Variants in MIA2 observed in about 807,000 individuals in gnomAD.
The protein encoded by MIA2 is MIA SH3 domain ER export factor 2, also known as melanoma inhibitory activity protein 2.
A neutral mutation model predicts 167.8 loss-of-function variants in MIA2; 127 were observed. The ratio of observed to expected loss-of-function variants is 0.76; its 90% CI spans 0.66 to 0.88. The LOEUF (loss-of-function observed/expected upper bound fraction) is 0.88. Ranked by LOEUF, MIA2 falls within the 40% of genes least tolerant of loss-of-function variation. The pLI is 0.00. For synonymous variants in MIA2, 552 were observed against 541.9 expected, an observed-to-expected ratio of 1.02 and a Z score of -0.26; for missense variants, 1,690 against 1,624.7, an observed-to-expected ratio of 1.04 and a Z score of -0.69.
intron 6 of MIA2, among the ~76,000 whole-genome samples, chr14:39,260,638 T>G (rs2055056941): frequency 6.6e-6 from 1 of 152,204 alleles, no homozygotes; most frequent in Non-Finnish European, 1.5e-5. Context: ...TTGCAAAAAT[T>G]TTCTCCCATT....
At chr14:39,334,291 A>G (rs1226235739) in intron 25 of MIA2, among the ~76,000 whole-genome samples, 2 of 152,090 alleles carry the variant, frequency 1.3e-5, no homozygotes, top group Admixed American at 6.5e-5. Flanking sequence ...CCTGGCTAAC[A>G]TGGCAAAACC....
chr14:39,362,150 T>A (rs899974934), intron 23 of MIA2, among the ~76,000 whole-genome samples: 6 of 152,150 alleles, frequency 3.9e-5, no homozygotes, highest in Admixed American at 1.3e-4. Context: ...TATAGTTTTG[T>A]TTTTTTGTTG....
At chr14:39,362,808 T>G (rs2074716110) in intron 23 of MIA2, among the ~76,000 whole-genome samples, 1 of 152,202 alleles carries the variant, frequency 6.6e-6, no homozygotes, top group Non-Finnish European at 1.5e-5. Context: ...TATATAGATG[T>G]CTGTTGCTAT....
intron 6 of MIA2, chr14:39,265,422 G>A: frequency 3.1e-6 from 5 of 1,610,436 alleles, no homozygotes; most frequent in Non-Finnish European, 4.2e-6. Context: ...AGAGGAAGAG[G>A]TGAGTTTATA....
intron 6 of MIA2, among the ~76,000 whole-genome samples, chr14:39,272,547 C>T (rs892032153): frequency 6.6e-6 from 1 of 152,170 alleles, no homozygotes; most frequent in Non-Finnish European, 1.5e-5. Flanking sequence ...GGGACCCGCC[C>T]CTATCTGCCT....
chr14:39,298,103 G>C (rs1357546165), intron 13 of MIA2, among the ~76,000 whole-genome samples: 1 of 151,830 alleles, frequency 6.6e-6, no homozygotes, highest in African/African-American at 2.4e-5. Context: ...AGTAGAAAGT[G>C]GTGGTAAACC....
intron 13 of MIA2, among the ~76,000 whole-genome samples, chr14:39,298,443 A>ATATATATATATATATATATATATAT (rs1372100362): frequency 0.02 from 998 of 49,724 alleles, 116 homozygotes; most frequent in South Asian, 0.026. Context: ...ATATATATAT[A>ATATATATATATATATATATATATAT]AAGATTAGTT....
At chr14:39,281,281 T>G (rs1423140733) in intron 9 of MIA2, among the ~76,000 whole-genome samples, 1 of 151,790 alleles carries the variant, frequency 6.6e-6, no homozygotes, top group African/African-American at 2.4e-5. Context: ...GTTTTTGCCC[T>G]TTTTTGTTCT....
intron 27 of MIA2, among the ~76,000 whole-genome samples, chr14:39,348,045 T>A (rs1200565818): frequency 6.6e-6 from 1 of 151,884 alleles, no homozygotes; most frequent in Non-Finnish European, 1.5e-5. Flanking sequence ...AGTCCTGACC[T>A]CAGATGATCC....
In MIA2 at chr14:39,319,261, C is replaced by G; in HGVS notation, c.3337C>G (p.Leu1113Val). ...ACTTTTAGAAAAAGATCCTTATGCA[C>G]TCGATGTTCCAAATACAGCATTTGG... ...FELLEKDPYA[L>V]DVPNTAFGRE... Residue 1113 changes from leucine (L) to valine (V), a missense_variant, in exon 23 of 29, where the codon CTC becomes GTC. Coordinates refer to ENST00000640607, the MANE Select transcript of MIA2 (RefSeq NM_001329214.4). The G allele has an allele frequency of 1.3e-6, 2 of 1,561,426 alleles. No homozygotes were observed. The highest frequency in any genetic ancestry group is 1.7e-6 in the Non-Finnish European group (2 of 1,152,474).
intron 23 of MIA2, among the ~76,000 whole-genome samples, chr14:39,365,650 CCTAT>C (rs3065047): frequency 0.3 from 44,958 of 147,540 alleles, 7,289 homozygotes; most frequent in South Asian, 0.39. Flanking sequence ...TTTAAAAATA[CCTAT>C]CTATCTATCT....
At chr14:39,250,714 A>G (rs1444672880) in intron 4 of MIA2, among the ~76,000 whole-genome samples, 3 of 34,696 alleles carry the variant, frequency 8.6e-5, no homozygotes, top group Admixed American at 7.7e-4. Context: ...ATATGCATAT[A>G]TATATATATA....
intron 6 of MIA2, among the ~76,000 whole-genome samples, chr14:39,259,861 C>T (rs1456019431): frequency 6.6e-6 from 1 of 151,932 alleles, no homozygotes; most frequent in East Asian, 1.9e-4. Context: ...TCTCCTATCC[C>T]CCCGCCAACA....
rs774624698 is a variant in MIA2, at chr14:39,326,934, G to T, written c.3567G>T (p.Arg1189Ser). The T allele has an allele frequency of 3.8e-6, 6 of 1,598,324 alleles. No individual in the cohort carries two copies. In the East Asian group the frequency reaches 9.3e-5, roughly 25 times the overall value. ...TNERGESSCD[R>S]LTDPHRAPSD... Reference sequence around the variant, plus strand: ...AAAGAGGAGAATCAAGCTGTGATAGGTTAACCGATCCTCATAGGGCTCCCT... The same window carrying T: ...AAAGAGGAGAATCAAGCTGTGATAGTTTAACCGATCCTCATAGGGCTCCCT... The change falls in exon 25 of 29, where the codon AGG becomes AGT. Residue 1189 changes from arginine (R) to serine (S), a missense_variant. Coordinates refer to ENST00000640607, the MANE Select transcript of MIA2 (RefSeq NM_001329214.4).
At chr14:39,288,915 T>C (rs1164982893) in intron 9 of MIA2, among the ~76,000 whole-genome samples, 1 of 152,168 alleles carries the variant, frequency 6.6e-6, no homozygotes, top group Non-Finnish European at 1.5e-5. Context: ...TGTAGGTTTG[T>C]TTGTTTGTTT....
chr14:39,329,301 T>C (rs145732180), intron 25 of MIA2, among the ~76,000 whole-genome samples: 168 of 152,348 alleles, frequency 1.1e-3, no homozygotes, highest in African/African-American at 3.9e-3. Flanking sequence ...TTTTTGCACA[T>C]TGATTTTGTA....
At chr14:39,238,811 A>AAACAAAAACAAAAAC in intron 2 of MIA2, among the ~76,000 whole-genome samples, 1 of 103,636 alleles carries the variant, frequency 9.6e-6, no homozygotes, top group African/African-American at 3.9e-5. Context: ...AAAAAAAAAA[A>AAACAAAAACAAAAAC]CCCAAAAAAC....
intron 23 of MIA2, among the ~76,000 whole-genome samples, chr14:39,357,061 A>G (rs769718284): frequency 6.6e-6 from 1 of 152,210 alleles, no homozygotes; most frequent in Non-Finnish European, 1.5e-5. Context: ...GTAGATATCT[A>G]TTAGGTCCAC....
At chr14:39,300,458 TAGATTTTTA>T (rs2062207381) in intron 14 of MIA2, among the ~76,000 whole-genome samples, 1 of 152,026 alleles carries the variant, frequency 6.6e-6, no homozygotes, top group Non-Finnish European at 1.5e-5. Context: ...TTTGATTTTT[TAGATTTTTA>T]AGATTTTTAA....
Sources: gnomAD v4.1 joint callset for allele counts (sites outside exome capture counted in the v4.1 genomes callset) on GRCh38, gnomAD v4.1.1 for gene constraint, MANE v1.5 for transcripts, NCBI Gene and HGNC (gene_info 2026-07-23, HGNC 2026-07-21) for gene names.